The following NUBPL variants were observed in gnomAD, a reference collection of about 807,000 sequenced individuals.
NUBPL encodes NUBP iron-sulfur cluster assembly factor, mitochondrial, also known as iron-sulfur cluster transfer protein NUBPL.
A neutral mutation model predicts 45.7 loss-of-function variants in NUBPL; 31 were observed. The observed-to-expected ratio is 0.68, with a 90% confidence interval of 0.51 to 0.92. The LOEUF is 0.92. NUBPL is among the 40% of genes least tolerant of loss of function. NUBPL has a pLI of 0.00. For missense variants in NUBPL, 401 were observed against 398.7 expected (o/e 1.01, Z -0.05); for synonymous variants, 144 against 140.9 (o/e 1.02, Z -0.15).
At chr14:31,617,814 T>C (rs1440638189) in intron 4 of NUBPL, among the ~76,000 whole-genome samples, 1 of 152,226 alleles carries the variant, frequency 6.6e-6, no homozygotes, top group Non-Finnish European at 1.5e-5. Flanking sequence ...GAGGAGTCCC[T>C]CTTTTTCTAT....
intron 6 of NUBPL, among the ~76,000 whole-genome samples, chr14:31,724,707 G>A (rs2037881774): frequency 6.6e-6 from 1 of 152,184 alleles, no homozygotes; most frequent in South Asian, 2.1e-4. Flanking sequence ...TACTATGCTA[G>A]GGCTGGAGAT....
At chr14:31,637,418 C>T (rs578129226) in intron 4 of NUBPL, among the ~76,000 whole-genome samples, 1 of 152,284 alleles carries the variant, frequency 6.6e-6, no homozygotes, top group South Asian at 2.1e-4. Flanking sequence ...ATTCTTAATC[C>T]TGAGTTCTAG....
chr14:31,736,646 T>A lies in NUBPL; in HGVS notation c.514-51134T>A, dbSNP rs556059298. On this transcript the variant is annotated intron_variant, in intron 6 of 10. Transcript: ENST00000281081. ...ATTTCTAACTTGGGGCTATTATGAATAAGCTGCCATAAACATCCATGTGTA... is the reference window on the plus strand; with the variant it reads ...ATTTCTAACTTGGGGCTATTATGAAAAAGCTGCCATAAACATCCATGTGTA... Among the ~76,000 whole-genome samples, 215 of 152,334 alleles carry A rather than the reference T, an allele frequency of 1.4e-3. 2 individuals carry two copies. The highest frequency in any genetic ancestry group is 9.3e-4 in the Non-Finnish European group (63 of 68,020).
intron 3 of NUBPL, among the ~76,000 whole-genome samples, chr14:31,583,324 TCA>T (rs1367261550): frequency 2.0e-5 from 3 of 152,196 alleles, no homozygotes; most frequent in Admixed American, 1.3e-4. Flanking sequence ...GCCCATTACA[TCA>T]CACAGCATGT....
chr14:31,616,625 G>A (rs2034908444), intron 4 of NUBPL, among the ~76,000 whole-genome samples: 1 of 152,138 alleles, frequency 6.6e-6, no homozygotes, highest in Non-Finnish European at 1.5e-5. Context: ...TGTTCCAGTG[G>A]TGTATATATC....
At chr14:31,632,007 T>C (rs918340994) in intron 4 of NUBPL, among the ~76,000 whole-genome samples, 1 of 152,206 alleles carries the variant, frequency 6.6e-6, no homozygotes. Context: ...TGTATAATAA[T>C]GAATCAGTAC....
intron 4 of NUBPL, among the ~76,000 whole-genome samples, chr14:31,602,466 C>A (rs1485401645): frequency 2.6e-5 from 4 of 151,202 alleles, no homozygotes; most frequent in African/African-American, 9.7e-5. Flanking sequence ...TTCGCTACTA[C>A]AGAAGTTTCT....
intron 4 of NUBPL, among the ~76,000 whole-genome samples, chr14:31,656,405 G>A (rs551921559): frequency 6.6e-6 from 1 of 152,104 alleles, no homozygotes; most frequent in East Asian, 1.9e-4. Context: ...CCTAGCTCTT[G>A]GCCTATCTTG....
chr14:31,843,405 G>C (rs2040405818), intron 8 of NUBPL, among the ~76,000 whole-genome samples: 1 of 152,174 alleles, frequency 6.6e-6, no homozygotes, highest in Non-Finnish European at 1.5e-5. Flanking sequence ...ATTTGTGTTT[G>C]TCTAAGAAAA....
chr14:31,739,380 T>C (rs2038235493), intron 6 of NUBPL, among the ~76,000 whole-genome samples: 1 of 151,646 alleles, frequency 6.6e-6, no homozygotes, highest in African/African-American at 2.4e-5. Context: ...CCACCGTGCC[T>C]GGCCAAGTGT....
At chr14:31,661,016 C>T (rs1387532504) in intron 4 of NUBPL, among the ~76,000 whole-genome samples, 1 of 152,190 alleles carries the variant, frequency 6.6e-6, no homozygotes, top group Non-Finnish European at 1.5e-5. Flanking sequence ...GATGTGGTCA[C>T]AGTGGCATTT....
At chr14:31,827,553 C>T (rs1038454207) in intron 8 of NUBPL, among the ~76,000 whole-genome samples, 2 of 152,098 alleles carry the variant, frequency 1.3e-5, no homozygotes, top group African/African-American at 4.8e-5. Flanking sequence ...TTAAAGCAAA[C>T]ATTTCAGTAC....
intron 4 of NUBPL, among the ~76,000 whole-genome samples, chr14:31,663,945 T>C (rs1279094424): frequency 6.6e-6 from 1 of 152,214 alleles, no homozygotes; most frequent in Non-Finnish European, 1.5e-5. Context: ...CTTGAAGAGG[T>C]CCTTCACGTC....
chr14:31,698,917 C>T (rs190608452), intron 6 of NUBPL, among the ~76,000 whole-genome samples: 35 of 151,606 alleles, frequency 2.3e-4, no homozygotes, highest in Admixed American at 1.0e-3. Flanking sequence ...TGCAGTGGCA[C>T]GATCTCGGCT....
chr14:31,771,363 CTTCTAT>C lies in NUBPL; in HGVS notation c.514-16411_514-16406del, dbSNP rs557757137. 2.9e-3 allele frequency among the ~76,000 whole-genome samples: 448 copies of C among 152,186 alleles called. 2 individuals are homozygous for C. Among genetic ancestry groups the C allele is most frequent in the African/African-American group, 0.01 (430 of 41,536 alleles). On this transcript the variant is annotated intron_variant, in intron 6 of 10. Coordinates refer to ENST00000281081, the MANE Select transcript of NUBPL (RefSeq NM_025152.3). ...AAAAAAGGAAAGCAAATGAATAATTCTTCTATTTCTAACTTACATTGTGTAATAATT... is the reference window on the plus strand; with the variant it reads ...AAAAAAGGAAAGCAAATGAATAATTCTTCTAACTTACATTGTGTAATAATT...
chr14:31,823,851 A>T (rs1478229920), intron 7 of NUBPL, among the ~76,000 whole-genome samples: 1 of 152,118 alleles, frequency 6.6e-6, no homozygotes, highest in East Asian at 1.9e-4. Flanking sequence ...GAAGGTGGCA[A>T]ATTCTGGAAA....
chr14:31,612,167 T>C (rs1200661856), intron 4 of NUBPL, among the ~76,000 whole-genome samples: 1 of 152,190 alleles, frequency 6.6e-6, no homozygotes, highest in African/African-American at 2.4e-5. Flanking sequence ...AAACTACACA[T>C]CTGACAAGAC....
In NUBPL at chr14:31,721,057, TAAGTA is replaced by T. The variant is rs146083819; in HGVS notation, c.513+47486_513+47490del. ...ATGCGTTTGTTGGCTGATGAACAAATAAGTAAAAAATGACTCAAATTTTGGGGAGT... is the reference window on the plus strand; with the variant it reads ...ATGCGTTTGTTGGCTGATGAACAAATAAAAATGACTCAAATTTTGGGGAGT... On this transcript the variant is annotated intron_variant, in intron 6 of 10. Transcript: ENST00000281081. 7.5e-3 allele frequency among the ~76,000 whole-genome samples: 1,137 copies of T among 152,234 alleles called. 6 individuals carry two copies. The highest frequency in any genetic ancestry group is 0.026 in the African/African-American group (1,067 of 41,542).
intron 6 of NUBPL, among the ~76,000 whole-genome samples, chr14:31,767,369 AT>A (rs940159090): frequency 5.9e-5 from 9 of 151,798 alleles, no homozygotes; most frequent in Non-Finnish European, 1.3e-4. Context: ...TGCCTGGCTA[AT>A]TTTTTTGTAT....
Sources: gnomAD v4.1 joint callset for allele counts (sites outside exome capture counted in the v4.1 genomes callset) on GRCh38, gnomAD v4.1.1 for gene constraint, MANE v1.5 for transcripts, NCBI Gene and HGNC (gene_info 2026-07-23, HGNC 2026-07-21) for gene names.